The following C10orf67 variants were observed in gnomAD, a reference collection of about 807,000 sequenced individuals.
The protein encoded by C10orf67 is chromosome 10 open reading frame 67.
In C10orf67, 60 loss-of-function variants were observed where a neutral mutation model predicts 35.6. The ratio of observed to expected loss-of-function variants is 1.68; its 90% CI spans 1.37 to 2.09. The LOEUF (loss-of-function observed/expected upper bound fraction) is 2.09. C10orf67 is among the 30% of genes most tolerant of loss of function. The pLI is 0.00. For synonymous variants in C10orf67, 167 were observed against 115.8 expected, an observed-to-expected ratio of 1.44 and a Z score of -2.84; for missense variants, 474 against 330.2, an observed-to-expected ratio of 1.44 and a Z score of -3.38.
At chr10:23,305,205 A>T (rs1171582457) in intron 4 of C10orf67, among the ~76,000 whole-genome samples, 2 of 152,246 alleles carry the variant, frequency 1.3e-5, no homozygotes, top group African/African-American at 4.8e-5. Flanking sequence ...GACTCCAAAA[A>T]AATGGAGATC....
chr10:23,228,283 C>G lies in C10orf67; in HGVS notation c.1435-4465G>C, dbSNP rs1268482821. 1.3e-5 allele frequency among the ~76,000 whole-genome samples: 2 copies of G among 152,056 alleles called. 1 individual carries two copies. Among genetic ancestry groups the G allele is most frequent in the African/African-American group, 4.8e-5 (2 of 41,390 alleles). Reference sequence around the variant, plus strand: ...CAGAATAGAGCCCTCAGAAATAATACCACACATCTACAACCATCTGATCTT... The same window carrying G: ...CAGAATAGAGCCCTCAGAAATAATAGCACACATCTACAACCATCTGATCTT... On this transcript the variant is annotated intron_variant, in intron 13 of 15. Coordinates refer to ENST00000636213, the MANE Select transcript of C10orf67 (RefSeq NM_001371909.1).
chr10:23,257,517 C>G (rs1212021690), intron 10 of C10orf67, among the ~76,000 whole-genome samples: 2 of 152,144 alleles, frequency 1.3e-5, no homozygotes, highest in Non-Finnish European at 2.9e-5. Context: ...AATATCAAAA[C>G]TGTTGCCTGG....
At chr10:23,221,808 A>T (rs534930135) in intron 15 of C10orf67, among the ~76,000 whole-genome samples, 1 of 152,356 alleles carries the variant, frequency 6.6e-6, no homozygotes, top group Admixed American at 6.5e-5. Context: ...CAGTAAAAAT[A>T]GGAAATTTAT....
At chr10:23,304,045 G>A (rs904080154) in intron 4 of C10orf67, among the ~76,000 whole-genome samples, 3 of 152,158 alleles carry the variant, frequency 2.0e-5, no homozygotes, top group African/African-American at 7.2e-5. Flanking sequence ...ACATTCACCT[G>A]TACCTCTGGT....
In C10orf67 at chr10:23,328,993, C is replaced by CA. The variant is rs57772405; in HGVS notation, c.327+4068dup. On this transcript the variant is annotated intron_variant, in intron 2 of 15. Coordinates refer to ENST00000636213, the MANE Select transcript of C10orf67 (RefSeq NM_001371909.1). ...GAGTGGACCCTGTCTCATAAACGAA[C>CA]AAAAAAAAAAAAAAAAAAAAGAAAG... Among the ~76,000 whole-genome samples the CA allele has an allele frequency of 7.1e-3, 556 of 78,700 alleles. 2 individuals carry two copies. The highest frequency in any genetic ancestry group is 0.019 in the African/African-American group (393 of 20,572). 51.6% of individuals were successfully genotyped at this position (78,700 alleles called of 152,430 possible). A position where few individuals can be genotyped will look rare whatever the true frequency, so the allele number is the denominator to read the frequency against.
intron 10 of C10orf67, among the ~76,000 whole-genome samples, chr10:23,264,414 T>C (rs1230881849): frequency 1.3e-5 from 2 of 152,214 alleles, no homozygotes; most frequent in Admixed American, 1.3e-4. Flanking sequence ...TATTGTTATA[T>C]ATTAACTTCA....
chr10:23,341,777 T>G (rs1203533507), intron 1 of C10orf67, among the ~76,000 whole-genome samples: 1 of 152,146 alleles, frequency 6.6e-6, no homozygotes, highest in African/African-American at 2.4e-5. Context: ...CCTGGAACAC[T>G]TGCTAGCCTG....
At chr10:23,279,732 T>C (rs910632945) in intron 8 of C10orf67, among the ~76,000 whole-genome samples, 2 of 152,228 alleles carry the variant, frequency 1.3e-5, no homozygotes, top group African/African-American at 4.8e-5. Flanking sequence ...TTTCATATGC[T>C]TCCTCAAAAG....
intron 10 of C10orf67, among the ~76,000 whole-genome samples, chr10:23,251,463 T>C (rs1249578974): frequency 1.3e-5 from 2 of 152,168 alleles, no homozygotes; most frequent in Non-Finnish European, 2.9e-5. Context: ...CATTTATCAA[T>C]AATGTTTATA....
chr10:23,315,708 T>C (rs1844678875), intron 4 of C10orf67, among the ~76,000 whole-genome samples: 3 of 152,184 alleles, frequency 2.0e-5, no homozygotes, highest in African/African-American at 7.2e-5. Flanking sequence ...CCCACAGTGC[T>C]AGGATTATAG....
At chr10:23,295,856 T>A (rs1006159117) in intron 5 of C10orf67, among the ~76,000 whole-genome samples, 6 of 152,230 alleles carry the variant, frequency 3.9e-5, no homozygotes, top group African/African-American at 1.4e-4. Context: ...TTTTATTAGA[T>A]CTATGCTATT....
At chr10:23,292,264 T>C (rs1361620270) in intron 5 of C10orf67, among the ~76,000 whole-genome samples, 1 of 140,982 alleles carries the variant, frequency 7.1e-6, no homozygotes, top group Non-Finnish European at 1.5e-5. Context: ...TGCCATGCAT[T>C]AAAAAAAAAA....
chr10:23,239,381 C>A (rs1048183305), intron 13 of C10orf67, among the ~76,000 whole-genome samples: 35 of 152,282 alleles, frequency 2.3e-4, no homozygotes, highest in African/African-American at 8.2e-4. Context: ...AGCTTAGACT[C>A]CAAGCTTTGA....
intron 15 of C10orf67, among the ~76,000 whole-genome samples, chr10:23,213,695 T>G (rs964222127): frequency 2.6e-5 from 4 of 151,726 alleles, no homozygotes; most frequent in Non-Finnish European, 5.9e-5. Context: ...ACATATACAA[T>G]AAAAGAAAAG....
intron 13 of C10orf67, among the ~76,000 whole-genome samples, chr10:23,231,019 G>C (rs990779616): frequency 6.6e-6 from 1 of 152,032 alleles, no homozygotes; most frequent in African/African-American, 2.4e-5. Context: ...AGGCTGGAGG[G>C]CAAAGGCACA....
chr10:23,306,930 C>T (rs1344939630), intron 4 of C10orf67, among the ~76,000 whole-genome samples: 2 of 152,050 alleles, frequency 1.3e-5, no homozygotes, highest in Non-Finnish European at 2.9e-5. Flanking sequence ...ATTGACATCA[C>T]GATTTGTGAA....
chr10:23,294,078 G>A (rs1044616589), intron 5 of C10orf67, among the ~76,000 whole-genome samples: 1 of 152,154 alleles, frequency 6.6e-6, no homozygotes, highest in East Asian at 1.9e-4. Context: ...TCAATTTTCT[G>A]GGGAGGAGCA....
intron 5 of C10orf67, 87 bp from the exon 6 acceptor site, chr10:23,291,366 A>G: frequency 1.6e-6 from 1 of 615,136 alleles, no homozygotes; most frequent in Non-Finnish European, 2.9e-6. Context: ...CAGAAAAGCT[A>G]TCATATAATT....
intron 8 of C10orf67, among the ~76,000 whole-genome samples, chr10:23,276,051 G>C (rs193041872): frequency 1.3e-5 from 2 of 152,098 alleles, no homozygotes; most frequent in Admixed American, 1.3e-4. Context: ...TCCCATTAGG[G>C]TGATTAACGA....
Sources: gnomAD v4.1 joint callset for allele counts (sites outside exome capture counted in the v4.1 genomes callset) on GRCh38, gnomAD v4.1.1 for gene constraint, MANE v1.5 for transcripts, NCBI Gene and HGNC (gene_info 2026-07-23, HGNC 2026-07-21) for gene names.